PPP3CC: variants seen among roughly 807,000 people sequenced by gnomAD.
The protein encoded by PPP3CC is serine/threonine-protein phosphatase 2B catalytic subunit gamma isoform.
A neutral mutation model predicts 60.3 loss-of-function variants in PPP3CC; 35 were observed. That is an observed-to-expected ratio of 0.58 (90% CI 0.44 to 0.77). The LOEUF is 0.77. PPP3CC is among the 30% of genes least tolerant of loss of function. The pLI is 0.00. For synonymous variants in PPP3CC, 206 were observed against 224.3 expected, an observed-to-expected ratio of 0.92 and a Z score of 0.73; for missense variants, 570 against 628.9, an observed-to-expected ratio of 0.91 and a Z score of 1.00.
At chr8:22,445,693 G>A (rs1836799889) in intron 1 of PPP3CC, among the ~76,000 whole-genome samples, 1 of 152,026 alleles carries the variant, frequency 6.6e-6, no homozygotes, top group African/African-American at 2.4e-5. Context: ...TTTTCAGTGG[G>A]GACACATTAG....
At chr8:22,520,214 T>TG (rs1164321350) in intron 6 of PPP3CC, among the ~76,000 whole-genome samples, 1 of 152,178 alleles carries the variant, frequency 6.6e-6, no homozygotes, top group Non-Finnish European at 1.5e-5. Context: ...GAAGCTTCCT[T>TG]GTATATTATA....
intron 6 of PPP3CC, among the ~76,000 whole-genome samples, chr8:22,519,718 G>A (rs376032928): frequency 3.9e-4 from 59 of 152,230 alleles, no homozygotes; most frequent in Middle Eastern, 3.4e-3. Flanking sequence ...GCAGTGGTGC[G>A]ATCTTGGCTC....
At chr8:22,496,483 A>ATTTTTTTTTTT (rs1563741124) in intron 3 of PPP3CC, among the ~76,000 whole-genome samples, 2 of 77,056 alleles carry the variant, frequency 2.6e-5, no homozygotes, top group African/African-American at 9.5e-5. Flanking sequence ...GAGAACTGTA[A>ATTTTTTTTTTT]TCTTTTTTTT....
intron 3 of PPP3CC, chr8:22,492,869 C>T (rs1838449413): frequency 1.9e-6 from 2 of 1,064,766 alleles, no homozygotes; most frequent in South Asian, 2.5e-5. Context: ...ACTCTTTCAC[C>T]ATTACAGGCC....
At chr8:22,453,786 C>T (rs1042775677) in intron 1 of PPP3CC, among the ~76,000 whole-genome samples, 2 of 152,180 alleles carry the variant, frequency 1.3e-5, no homozygotes, top group Non-Finnish European at 2.9e-5. Context: ...GCAACTGTAA[C>T]ACAACAGTAA....
Position 22,441,187 on chromosome 8 carries a change from C to T in PPP3CC, c.-223C>T, listed in dbSNP as rs1341444465. The stretch of plus-strand genomic sequence containing the variant: ...TGTTCCCCGCCTTAGCCGCTGGCGC[C>T]TCCCAAGAGAGCGGCCGGTGGGCCC... On this transcript the variant is annotated 5_prime_UTR_variant, in exon 1 of 14. Coordinates refer to ENST00000240139, the MANE Select transcript of PPP3CC (RefSeq NM_005605.5). The T allele has an allele frequency of 2.4e-6, 1 of 413,376 alleles. No homozygotes were observed. The highest frequency in any genetic ancestry group is 2.1e-5 in the African/African-American group (1 of 48,106). 25.6% of individuals were successfully genotyped at this position (413,376 alleles called of 1,614,324 possible). A position where few individuals can be genotyped will look rare whatever the true frequency, so the allele number is the denominator to read the frequency against.
chr8:22,441,351 G>A lies in PPP3CC; in HGVS notation c.-59G>A. On this transcript the variant is annotated 5_prime_UTR_variant, in exon 1 of 14. Coordinates refer to ENST00000240139, the MANE Select transcript of PPP3CC (RefSeq NM_005605.5). ...AAGGCTGCCCGAGGAGAAGGCGGCG[G>A]CCGCGGCGTAGGCGCACGTCCGGCG... 12 of 1,495,010 alleles carry A rather than the reference G, an allele frequency of 8.0e-6. No homozygotes were observed. Among genetic ancestry groups the A allele is most frequent in the Non-Finnish European group, 1.1e-5 (12 of 1,122,418 alleles). 92.6% of individuals were successfully genotyped at this position (1,495,010 alleles called of 1,614,324 possible).
chr8:22,491,293 A>C (rs1838398872), intron 3 of PPP3CC, among the ~76,000 whole-genome samples: 1 of 152,186 alleles, frequency 6.6e-6, no homozygotes, highest in Non-Finnish European at 1.5e-5. Context: ...CTCTATTCCT[A>C]CCAGCAGCAC....
At chr8:22,525,564 T>TTC (rs908799727) in intron 8 of PPP3CC, among the ~76,000 whole-genome samples, 2 of 141,678 alleles carry the variant, frequency 1.4e-5, no homozygotes, top group Non-Finnish European at 3.1e-5. Context: ...CTCTCTTTCT[T>TTC]TCTCTCTCTC....
intron 1 of PPP3CC, among the ~76,000 whole-genome samples, chr8:22,450,721 C>G (rs1001825875): frequency 1.3e-5 from 2 of 152,370 alleles, no homozygotes; most frequent in African/African-American, 4.8e-5. Context: ...GGGCAGTACC[C>G]TGCATGCTAA....
intron 1 of PPP3CC, among the ~76,000 whole-genome samples, chr8:22,456,446 G>A (rs566142151): frequency 3.9e-5 from 6 of 152,198 alleles, no homozygotes; most frequent in Non-Finnish European, 8.8e-5. Context: ...ATTCACAGGA[G>A]GTTGTAAATA....
At chr8:22,503,424 A>T (rs1478263163) in intron 4 of PPP3CC, among the ~76,000 whole-genome samples, 1 of 152,216 alleles carries the variant, frequency 6.6e-6, no homozygotes, top group East Asian at 1.9e-4. Context: ...AGGAGTAGAT[A>T]CGTAGTGAAG....
intron 3 of PPP3CC, chr8:22,493,042 C>T (rs894451593): frequency 1.4e-6 from 2 of 1,392,008 alleles, no homozygotes; most frequent in Non-Finnish European, 2.0e-6. Context: ...GAAGTTCCAG[C>T]TCTTGTGGAG....
chr8:22,510,454 G>T (rs1268729706), intron 4 of PPP3CC, among the ~76,000 whole-genome samples: 1 of 152,068 alleles, frequency 6.6e-6, no homozygotes, highest in Non-Finnish European at 1.5e-5. Context: ...ACACCCCTAA[G>T]AGATCTTTAA....
At chr8:22,505,868 A>G (rs1838901003) in intron 4 of PPP3CC, among the ~76,000 whole-genome samples, 1 of 150,600 alleles carries the variant, frequency 6.6e-6, no homozygotes, top group Non-Finnish European at 1.5e-5. Flanking sequence ...TAACAATGTT[A>G]TTTTCCTTCT....
At position 22,513,076 on chromosome 8, in the gene PPP3CC, C is replaced by CA. The variant is rs113647773; in HGVS notation, c.631-203dup. Among the ~76,000 whole-genome samples, 342 of 116,864 alleles carry CA rather than the reference C, an allele frequency of 2.9e-3. 1 individual carries two copies. The highest frequency in any genetic ancestry group is 6.1e-3 in the African/African-American group (192 of 31,594). The allele number at this position is 116,864 out of a possible 152,430, so 76.7% of individuals were successfully genotyped here. A position where few individuals can be genotyped will look rare whatever the true frequency, so the allele number is the denominator to read the frequency against. The stretch of plus-strand genomic sequence containing the variant: ...GGGCAATAAGAACGAAACTCCGTCT[C>CA]AAAAAAAAAAAAAATTTATTTCAGA... On this transcript the variant is annotated intron_variant, in intron 5 of 13. Coordinates refer to ENST00000240139, the MANE Select transcript of PPP3CC (RefSeq NM_005605.5).
chr8:22,482,062 G>T (rs1305702223), intron 3 of PPP3CC, among the ~76,000 whole-genome samples: 1 of 152,176 alleles, frequency 6.6e-6, no homozygotes, highest in Non-Finnish European at 1.5e-5. Context: ...TAATGGGATT[G>T]CTGGGTCAGA....
chr8:22,475,051 AG>A lies in PPP3CC; in HGVS notation c.149del (p.Gly50AspfsTer7), dbSNP rs772512470. 10 of 1,613,608 alleles carry A rather than the reference AG, an allele frequency of 6.2e-6. No individual in the cohort carries two copies. Among genetic ancestry groups the A allele is most frequent in the Non-Finnish European group, 6.8e-6 (8 of 1,179,646 alleles). The stretch of plus-strand genomic sequence containing the variant: ...TTTTAAAAAACCATTTGGTAAAGGA[AG>A]GACGACTGGAAGAGGAAGTAGCCTT... Reference protein sequence around the residue: ...DVLKNHLVKEGRLEEEVALKI... With the variant: ...DVLKNHLVKEXRLEEEVALKI... On this transcript the variant is annotated frameshift_variant, in exon 2 of 14. Transcript: ENST00000240139. LOFTEE classifies it high-confidence loss of function.
At chr8:22,482,526 C>A (rs895135379) in intron 3 of PPP3CC, among the ~76,000 whole-genome samples, 1 of 152,186 alleles carries the variant, frequency 6.6e-6, no homozygotes, top group Admixed American at 6.5e-5. Context: ...AGTGCAGAAG[C>A]TCTTTAGCTT....
Sources: allele counts gnomAD v4.1 joint callset (sites outside exome capture counted in the v4.1 genomes callset), GRCh38; gene constraint gnomAD v4.1.1; transcripts MANE v1.5; gene names NCBI Gene and HGNC (gene_info 2026-07-23, HGNC 2026-07-21).